The following GFM2 variants were observed in gnomAD, a reference collection of about 807,000 sequenced individuals.
GFM2 encodes ribosome-releasing factor 2, mitochondrial.
A neutral mutation model predicts 95.4 loss-of-function variants in GFM2; 72 were observed. The observed-to-expected ratio is 0.76, with a 90% confidence interval of 0.62 to 0.92. GFM2 has a LOEUF of 0.92. Among genes scored for constraint, GFM2 ranks in the 40% least tolerant of loss-of-function variants. The pLI is 0.00. For synonymous variants in GFM2, 276 were observed against 317.5 expected (o/e 0.87, Z 1.39); for missense variants, 825 against 924.1 (o/e 0.89, Z 1.39).
intron 17 of GFM2, among the ~76,000 whole-genome samples, chr5:74,728,349 G>T (rs891301874): frequency 2.0e-5 from 3 of 152,064 alleles, no homozygotes; most frequent in South Asian, 4.2e-4. Flanking sequence ...CAAGAAAATC[G>T]TAAGAGAAAA....
chr5:74,748,918 A>AAAAAAAAAT (rs200508461), intron 7 of GFM2, among the ~76,000 whole-genome samples: 1 of 138,992 alleles, frequency 7.2e-6, no homozygotes, highest in Non-Finnish European at 1.5e-5. Context: ...ATAAAAAAAT[A>AAAAAAAAAT]AAAAAAAATA....
At chr5:74,754,472 C>CT (rs1416828506) in intron 5 of GFM2, among the ~76,000 whole-genome samples, 1 of 152,046 alleles carries the variant, frequency 6.6e-6, no homozygotes, top group African/African-American at 2.4e-5. Context: ...AGAGACTCAC[C>CT]TAACACATAA....
In GFM2 at chr5:74,759,908, A is replaced by T. The variant is rs1040128278; in HGVS notation, c.149-482T>A. Among the ~76,000 whole-genome samples the T allele has an allele frequency of 3.6e-4, 55 of 152,162 alleles. 1 individual carries two copies. Among genetic ancestry groups the T allele is most frequent in the Non-Finnish European group, 8.8e-5 (6 of 68,006 alleles). On this transcript the variant is annotated intron_variant, in intron 3 of 20. Transcript: ENST00000296805. ...ACTTGCCTTCCTCAGCAATCCCAGG[A>T]CACAATACCTTTAAAGACTGCCTGG...
At chr5:74,755,522 A>G (rs1472075126) in intron 5 of GFM2, among the ~76,000 whole-genome samples, 1 of 152,220 alleles carries the variant, frequency 6.6e-6, no homozygotes, top group Non-Finnish European at 1.5e-5. Flanking sequence ...AATAAGCTCA[A>G]TTAGAAACAA....
At position 74,746,107 on chromosome 5, in the gene GFM2, G is replaced by A; in HGVS notation, c.667C>T (p.Gln223Ter). 6.4e-7 allele frequency: 1 copy of A among 1,550,620 alleles called. No homozygotes were observed. ...GCTGATGCTATTAACCAATTTACCTGTAAAAGCAAAGGCTTTGCCTTTAAC... is the reference window on the plus strand; with the variant it reads ...GCTGATGCTATTAACCAATTTACCTATAAAAGCAAAGGCTTTGCCTTTAAC... Reference protein sequence around the residue: ...EKLKAKPLLLQLPIGEAKTFK... With the variant: ...EKLKAKPLLL Residue 223 changes from glutamine to a stop codon, truncating the protein, a stop_gained and splice_region_variant, in exon 9 of 21, where the codon CAG (glutamine) becomes TAG (stop). Transcript: ENST00000296805. LOFTEE classifies it high-confidence loss of function.
Position 74,721,569 on chromosome 5 carries a change from G to T in GFM2, c.*86C>A. 2.2e-6 allele frequency: 3 copies of T among 1,351,670 alleles called. No individual in the cohort carries two copies. Among genetic ancestry groups the T allele is most frequent in the Non-Finnish European group, 2.1e-6 (2 of 959,132 alleles). 83.7% of individuals were successfully genotyped at this position (1,351,670 alleles called of 1,614,324 possible). On this transcript the variant is annotated 3_prime_UTR_variant, in exon 21 of 21. Transcript: ENST00000296805. ...AATGTACTGAAACAGTACTTTATTC[G>T]TCCAATAAATAAAGCAATAAAAATT...
intron 15 of GFM2, 130 bp from the exon 16 acceptor site, chr5:74,733,228 C>G (rs111538497): frequency 7.0e-5 from 43 of 617,028 alleles, no homozygotes; most frequent in Non-Finnish European, 2.9e-5. Flanking sequence ...TGGTGACTCA[C>G]GTCTGTAATC....
At chr5:74,722,288 G>T in intron 20 of GFM2, 91 bp downstream of exon 20, 1 of 1,029,796 alleles carries the variant, frequency 9.7e-7, no homozygotes, top group Non-Finnish European at 1.4e-6. Flanking sequence ...AAGCCTTAAT[G>T]TTTCTTTCAG....
intron 7 of GFM2, among the ~76,000 whole-genome samples, chr5:74,748,373 G>T (rs1482953189): frequency 6.6e-6 from 1 of 152,082 alleles, no homozygotes; most frequent in Admixed American, 6.5e-5. Context: ...TTAGAACATA[G>T]AACATTCTGT....
intron 7 of GFM2, 29 bp downstream of exon 7, chr5:74,750,550 A>G (rs779667393): frequency 1.3e-5 from 19 of 1,510,448 alleles, no homozygotes; most frequent in Non-Finnish European, 1.7e-5. Flanking sequence ...TGCTGTTCTA[A>G]TTCCCTTTAC....
chr5:74,721,539 C>A lies in GFM2; in HGVS notation c.*116G>T. On this transcript the variant is annotated 3_prime_UTR_variant, in exon 21 of 21. Transcript: ENST00000296805. The stretch of plus-strand genomic sequence containing the variant: ...CTTAAGTTATATCTTTTATCTAGTT[C>A]TCTGAATGTACTGAAACAGTACTTT... 1 of 1,125,768 alleles carries A rather than the reference C, an allele frequency of 8.9e-7. No homozygotes were observed. Among genetic ancestry groups the A allele is most frequent in the South Asian group, 1.3e-5 (1 of 74,726 alleles). 69.7% of individuals were successfully genotyped at this position (1,125,768 alleles called of 1,614,324 possible).
At chr5:74,734,940 C>T (rs1742759763) in intron 15 of GFM2, among the ~76,000 whole-genome samples, 1 of 152,178 alleles carries the variant, frequency 6.6e-6, no homozygotes, top group Non-Finnish European at 1.5e-5. Flanking sequence ...AGATGCAAAA[C>T]TGGCTGGTGC....
At chr5:74,725,792 G>GA in intron 18 of GFM2, 37 bp from the exon 19 acceptor site, 1 of 1,504,454 alleles carries the variant, frequency 6.6e-7, no homozygotes, top group Non-Finnish European at 9.2e-7. Context: ...TACTCTGCTA[G>GA]ATGTGAAGTG....
chr5:74,763,562 C>T (rs1281269673), intron 2 of GFM2, 118 bp downstream of exon 2: 13 of 533,326 alleles, frequency 2.4e-5, no homozygotes, highest in Non-Finnish European at 4.4e-5. Flanking sequence ...TTGAAGATTT[C>T]CAAAGGTTAT....
chr5:74,728,322 CT>C (rs1250289313), intron 17 of GFM2, among the ~76,000 whole-genome samples: 1 of 151,322 alleles, frequency 6.6e-6, no homozygotes, highest in Non-Finnish European at 1.5e-5. Context: ...TTACAATAAA[CT>C]AGAAAAAAAA....
intron 20 of GFM2, among the ~76,000 whole-genome samples, chr5:74,722,115 T>C (rs559872279): frequency 6.6e-6 from 1 of 152,240 alleles, no homozygotes; most frequent in African/African-American, 2.4e-5. Context: ...GTAAGATAAA[T>C]GCTTGGCAGG....
At chr5:74,729,217 C>CTG (rs1388716581) in intron 17 of GFM2, among the ~76,000 whole-genome samples, 6 of 152,176 alleles carry the variant, frequency 3.9e-5, no homozygotes, top group African/African-American at 1.4e-4. Flanking sequence ...GGCTAAAGAC[C>CTG]TGTATCAGAA....
chr5:74,729,490 A>G (rs561515939), intron 17 of GFM2, among the ~76,000 whole-genome samples: 2 of 152,304 alleles, frequency 1.3e-5, no homozygotes, highest in South Asian at 4.1e-4. Flanking sequence ...GTCAGCTCAG[A>G]CATTAAAAGT....
chr5:74,763,161 G>C (rs978869260), intron 2 of GFM2, among the ~76,000 whole-genome samples: 1 of 152,350 alleles, frequency 6.6e-6, no homozygotes, highest in Admixed American at 6.5e-5. Context: ...TCAGACCAGA[G>C]CTAAAGACTA....
Sources: gnomAD v4.1 joint callset for allele counts (sites outside exome capture counted in the v4.1 genomes callset) on GRCh38, gnomAD v4.1.1 for gene constraint, MANE v1.5 for transcripts, NCBI Gene and HGNC (gene_info 2026-07-23, HGNC 2026-07-21) for gene names.